The following CCAR1 variants were observed in gnomAD, a reference collection of about 807,000 sequenced individuals.
The protein encoded by CCAR1 is cell division cycle and apoptosis regulator protein 1.
In CCAR1, 78 loss-of-function variants were observed where a neutral mutation model predicts 163.8. The observed-to-expected ratio is 0.48, with a 90% CI of 0.40 to 0.57. The LOEUF (loss-of-function observed/expected upper bound fraction) is 0.57. CCAR1 is among the 20% of genes least tolerant of loss of function. CCAR1 has a pLI of 0.00. For synonymous variants in CCAR1, 443 were observed against 460.7 expected, an observed-to-expected ratio of 0.96 and a Z score of 0.49; for missense variants, 1,019 against 1,365.2, an observed-to-expected ratio of 0.75 and a Z score of 4.00.
chr10:68,780,701 A>C (rs1245679364), intron 19 of CCAR1, among the ~76,000 whole-genome samples: 1 of 152,178 alleles, frequency 6.6e-6, no homozygotes, highest in Non-Finnish European at 1.5e-5. Context: ...ACATTTTGGT[A>C]ATTCTTACAG....
chr10:68,726,832 C>G (rs2055954791), intron 2 of CCAR1, among the ~76,000 whole-genome samples: 1 of 151,368 alleles, frequency 6.6e-6, no homozygotes, highest in Non-Finnish European at 1.5e-5. Flanking sequence ...CCCGTCTCTA[C>G]TAAAAATACA....
At chr10:68,783,906 C>G (rs928817017) in intron 19 of CCAR1, among the ~76,000 whole-genome samples, 2 of 151,922 alleles carry the variant, frequency 1.3e-5, no homozygotes, top group African/African-American at 4.8e-5. Context: ...AGGCGGCCGC[C>G]ACCACGCCTG....
At chr10:68,783,921 A>T (rs1328169410) in intron 19 of CCAR1, among the ~76,000 whole-genome samples, 2 of 151,166 alleles carry the variant, frequency 1.3e-5, no homozygotes, top group Non-Finnish European at 2.9e-5. Context: ...CGCCTGGCAA[A>T]TTTTTTTTAT....
Position 68,755,511 on chromosome 10 carries a change from A to T in CCAR1, c.1600A>T (p.Ile534Phe). 1 of 1,614,076 alleles carries T rather than the reference A, an allele frequency of 6.2e-7. No homozygotes were observed. The highest frequency in any genetic ancestry group is 8.5e-7 in the Non-Finnish European group (1 of 1,179,938). Residue 534 changes from isoleucine (I) to phenylalanine (F), a missense_variant, in exon 13 of 25, where the codon ATT becomes TTT. Ile to Phe is a conservative substitution (Grantham distance 21). This residue lies in a region of CCAR1 where 644 missense variants were observed against 904.4 expected (regional missense o/e 0.71). Coordinates refer to ENST00000265872, the MANE Select transcript of CCAR1 (RefSeq NM_018237.4). ...TCGTTGTTGTAAGGCTCTGACAGGC[A>T]TTGATCTAAGTGTGTGCACACAATG... Reference protein sequence around the residue: ...AIRCCKALTGIDLSVCTQWYR... With the variant: ...AIRCCKALTGFDLSVCTQWYR...
chr10:68,751,796 A>G (rs4581335), intron 10 of CCAR1, among the ~76,000 whole-genome samples: 102,073 of 151,142 alleles, frequency 0.68, 34,857 homozygotes, highest in Non-Finnish European at 0.73. Flanking sequence ...CCCGGGAGGC[A>G]GAGATTGCAG....
chr10:68,787,193 T>G (rs952684700), intron 21 of CCAR1, among the ~76,000 whole-genome samples: 9 of 152,194 alleles, frequency 5.9e-5, no homozygotes, highest in African/African-American at 1.4e-4. Context: ...ATTCTAGATC[T>G]TTTTGTAAGC....
intron 16 of CCAR1, among the ~76,000 whole-genome samples, chr10:68,762,083 A>C (rs968164458): frequency 3.3e-5 from 5 of 151,960 alleles, no homozygotes; most frequent in Admixed American, 1.3e-4. Context: ...TAATCCCAGC[A>C]CTTTGGGAGG....
Position 68,756,296 on chromosome 10 carries a change from A to T in CCAR1, c.1649A>T (p.Tyr550Phe), listed in dbSNP as rs1379675804. Residue 550 changes from tyrosine (Y) to phenylalanine (F), a missense_variant, in exon 14 of 25, where the codon TAC becomes TTC. Tyr to Phe is a conservative substitution (Grantham distance 22). Transcript: ENST00000265872. This position sits in a 1 kb window ranked among gnomAD's most constrained non-coding sequence, Gnocchi z 5.1. Reference protein sequence around the residue: ...TQWYRFAEIRYHRPEETHKGR... With the variant: ...TQWYRFAEIRFHRPEETHKGR... The stretch of plus-strand genomic sequence containing the variant: ...AGGTACCGTTTTGCAGAGATTCGCT[A>T]CCATCGCCCTGAGGAGACCCACAAG... 3 of 1,614,026 alleles carry T rather than the reference A, an allele frequency of 1.9e-6. No homozygotes were observed. Among genetic ancestry groups the T allele is most frequent in the Non-Finnish European group, 2.5e-6 (3 of 1,179,952 alleles).
intron 10 of CCAR1, 58 bp from the exon 11 acceptor site, chr10:68,753,794 T>A: frequency 3.2e-6 from 4 of 1,239,032 alleles, no homozygotes; most frequent in Non-Finnish European, 4.7e-6. Context: ...CAGAATTAAA[T>A]GTTTGTGTAA....
In CCAR1 at chr10:68,728,368, T is replaced by C. The variant is rs192873120; in HGVS notation, c.73+5791T>C. 7.2e-5 allele frequency among the ~76,000 whole-genome samples: 11 copies of C among 152,170 alleles called. No homozygotes were observed. The East Asian group carries it at 1.9e-3, about 27-fold the overall frequency. ...AAAAATAATCCTGGAGGTTTTTTTT[T>C]CCGTTGTTTTTGTTTGTTTGTTTTT... is the stretch of plus-strand genomic sequence containing the variant. On this transcript the variant is annotated intron_variant, in intron 2 of 24. Transcript: ENST00000265872.
chr10:68,725,644 A>T (rs923068277), intron 2 of CCAR1, among the ~76,000 whole-genome samples: 2 of 152,016 alleles, frequency 1.3e-5, no homozygotes, highest in Non-Finnish European at 2.9e-5. Flanking sequence ...TGAGATTTTG[A>T]TTGTCTTTTA....
chr10:68,747,338 G>T (rs760262668), intron 7 of CCAR1, 36 bp from the exon 8 acceptor site: 24 of 1,599,498 alleles, frequency 1.5e-5, no homozygotes, highest in African/African-American at 4.0e-5. Flanking sequence ...AATTCACAAA[G>T]ATTTTTTTTC....
intron 17 of CCAR1, among the ~76,000 whole-genome samples, chr10:68,769,481 G>A (rs982303690): frequency 2.0e-5 from 3 of 152,122 alleles, no homozygotes; most frequent in South Asian, 2.1e-4. Flanking sequence ...TTAGCTGGGC[G>A]TGGTGGCGCG....
chr10:68,737,197 C>G (rs1200733383), intron 3 of CCAR1, 149 bp downstream of exon 3: 2 of 657,952 alleles, frequency 3.0e-6, no homozygotes, highest in Non-Finnish European at 5.3e-6. Flanking sequence ...TTATATCTGA[C>G]CAGCATATAT....
intron 16 of CCAR1, among the ~76,000 whole-genome samples, chr10:68,765,447 A>G (rs2056524630): frequency 6.6e-6 from 1 of 151,930 alleles, no homozygotes; most frequent in South Asian, 2.1e-4. Context: ...TTTCCCACCC[A>G]TTTGTATATT....
intron 21 of CCAR1, among the ~76,000 whole-genome samples, chr10:68,787,259 G>A (rs949514290): frequency 6.7e-6 from 1 of 149,760 alleles, no homozygotes; most frequent in Admixed American, 6.7e-5. Context: ...GTTTTGACTG[G>A]CTTTTTTTTT....
intron 1 of CCAR1, chr10:68,721,663 C>G (rs994074090): frequency 2.4e-6 from 1 of 419,740 alleles, no homozygotes; most frequent in Non-Finnish European, 4.8e-6. Context: ...AGGCTTTCTC[C>G]GTGCGTGGTA....
chr10:68,762,241 A>G (rs1245669779), intron 16 of CCAR1, among the ~76,000 whole-genome samples: 3 of 151,966 alleles, frequency 2.0e-5, no homozygotes, highest in Admixed American at 6.6e-5. Flanking sequence ...AGGCAGGACA[A>G]TGGCCTGAAC....
At position 68,756,548 on chromosome 10, in the gene CCAR1, G is replaced by A; in HGVS notation, c.1836+65G>A. ...CAGGCACAGGAACACAGGCACAAAT[G>A]CACACCACACACTACATAATAAACA... On this transcript the variant is annotated intron_variant, in intron 14 of 24. Transcript: ENST00000265872. This position sits in a 1 kb window ranked among gnomAD's most constrained non-coding sequence, Gnocchi z 5.1. 1 of 1,229,060 alleles carries A rather than the reference G, an allele frequency of 8.1e-7. No homozygotes were observed. The highest frequency in any genetic ancestry group is 1.5e-5 in the African/African-American group (1 of 66,976). 76.1% of individuals were successfully genotyped at this position (1,229,060 alleles called of 1,614,324 possible).
Sources: gnomAD v4.1 joint callset for allele counts (sites outside exome capture counted in the v4.1 genomes callset) on GRCh38, gnomAD v4.1.1 for gene constraint, gnomAD v4.1.1 regional missense constraint, Gnocchi (gnomAD v3.1) non-coding constraint, MANE v1.5 for transcripts, NCBI Gene and HGNC (gene_info 2026-07-23, HGNC 2026-07-21) for gene names.